The following LGSN variants were observed in gnomAD, a reference collection of about 807,000 sequenced individuals.
LGSN encodes lengsin.
Under a neutral mutation model 19.5 loss-of-function variants are expected in LGSN, and 21 were observed. The ratio of observed to expected loss-of-function variants is 1.07; its 90% CI spans 0.76 to 1.55. LGSN has a LOEUF of 1.55. Among genes scored for constraint, LGSN ranks in the 40% most tolerant of loss-of-function variants. The probability of loss-of-function intolerance (pLI) is 0.00; values close to 1 mark genes in which losing one functional copy is unlikely to be tolerated. For missense variants in LGSN, 673 were observed against 608.5 expected (o/e 1.11, Z -1.12); for synonymous variants, 257 against 215.6 (o/e 1.19, Z -1.68).
chr6:63,510,982 G>T, the LGSN span, among the ~76,000 whole-genome samples: 1 of 151,426 alleles, frequency 6.6e-6, no homozygotes, highest in African/African-American at 2.4e-5. Context: ...GTCAAGATGC[G>T]AATTATTTAG....
At chr6:63,448,877 T>C in the LGSN span, among the ~76,000 whole-genome samples, 1 of 152,176 alleles carries the variant, frequency 6.6e-6, no homozygotes, top group African/African-American at 2.4e-5. Flanking sequence ...TAAAAGTGTG[T>C]TTAACAAGAT....
In LGSN at chr6:63,279,880, C is replaced by T; in HGVS notation, c.*141G>A. 3 of 767,248 alleles carry T rather than the reference C, an allele frequency of 3.9e-6. No homozygotes were observed. Among genetic ancestry groups the T allele is most frequent in the African/African-American group, 1.8e-5 (1 of 57,040 alleles). 47.5% of individuals were successfully genotyped at this position (767,248 alleles called of 1,614,324 possible). ...GTCCTACTTCATCTGTCAAATATTC[C>T]ATGGACAAAAAAAAAAGTCAAAAGC... On this transcript the variant is annotated 3_prime_UTR_variant, in exon 4 of 4. Transcript: ENST00000370657.
chr6:63,330,826 C>T, the LGSN span, among the ~76,000 whole-genome samples: 1 of 152,212 alleles, frequency 6.6e-6, no homozygotes, highest in Non-Finnish European at 1.5e-5. Flanking sequence ...AACTCTCGGG[C>T]TGCAGCTAAA....
the LGSN span, among the ~76,000 whole-genome samples, chr6:63,563,411 C>T: frequency 2.0e-5 from 3 of 152,092 alleles, no homozygotes; most frequent in African/African-American, 7.2e-5. Context: ...GTCATTTCCT[C>T]CACCAAAAAT....
the LGSN span, among the ~76,000 whole-genome samples, chr6:63,477,850 T>C: frequency 2.6e-5 from 4 of 151,754 alleles, no homozygotes; most frequent in African/African-American, 9.7e-5. Context: ...CTTCATCCCT[T>C]TTTGTTTGCA....
chr6:63,568,717 T>C, the LGSN span, among the ~76,000 whole-genome samples: 1 of 151,912 alleles, frequency 6.6e-6, no homozygotes, highest in South Asian at 2.1e-4. Flanking sequence ...GTATACTACA[T>C]ATTTATTTTT....
the LGSN span, among the ~76,000 whole-genome samples, chr6:63,459,373 A>G: frequency 6.6e-4 from 101 of 152,308 alleles, no homozygotes; most frequent in Non-Finnish European, 1.2e-3. Flanking sequence ...CTACTGAAGT[A>G]TATTATAAAT....
chr6:63,534,478 C>T, the LGSN span, among the ~76,000 whole-genome samples: 4 of 151,354 alleles, frequency 2.6e-5, no homozygotes, highest in Admixed American at 6.6e-5. Context: ...CACACACACA[C>T]ACACACACCT....
chr6:63,336,194 TAAC>T, the LGSN span, among the ~76,000 whole-genome samples: 2 of 152,162 alleles, frequency 1.3e-5, no homozygotes, highest in Non-Finnish European at 2.9e-5. Context: ...TTTTAAAAGT[TAAC>T]AACAATGTTT....
At chr6:63,359,180 A>G in the LGSN span, among the ~76,000 whole-genome samples, 2 of 152,164 alleles carry the variant, frequency 1.3e-5, no homozygotes, top group African/African-American at 2.4e-5. Flanking sequence ...CCAGGGATGA[A>G]GCCCACTTGA....
the LGSN span, among the ~76,000 whole-genome samples, chr6:63,426,155 A>G: frequency 6.6e-6 from 1 of 152,224 alleles, no homozygotes; most frequent in African/African-American, 2.4e-5. Flanking sequence ...GTGATAGCAC[A>G]CATTTTTCCA....
intron 1 of LGSN, among the ~76,000 whole-genome samples, chr6:63,301,994 A>G (rs113529467): frequency 0.031 from 4,793 of 152,270 alleles, 104 homozygotes; most frequent in Non-Finnish European, 0.049. Flanking sequence ...TTCAAATTCT[A>G]AAATTAACTC....
At chr6:63,341,053 A>G in the LGSN span, among the ~76,000 whole-genome samples, 1 of 152,212 alleles carries the variant, frequency 6.6e-6, no homozygotes, top group Non-Finnish European at 1.5e-5. Context: ...ACTGTAGTCA[A>G]CATCAGCAGT....
the LGSN span, among the ~76,000 whole-genome samples, chr6:63,516,744 G>A: frequency 1.5e-4 from 23 of 152,266 alleles, no homozygotes; most frequent in East Asian, 4.0e-3. Flanking sequence ...TGTGGCAATG[G>A]CATGTGCTAC....
chr6:63,480,288 C>G, the LGSN span: 1 of 215,922 alleles, frequency 4.6e-6, no homozygotes. Context: ...TTGTGTCATG[C>G]TCTACATTGG....
At chr6:63,414,701 G>A in the LGSN span, among the ~76,000 whole-genome samples, 2 of 152,230 alleles carry the variant, frequency 1.3e-5, no homozygotes, top group Admixed American at 6.5e-5. Flanking sequence ...GTTCACTTGA[G>A]CTCAGGAATT....
intron 2 of LGSN, among the ~76,000 whole-genome samples, chr6:63,289,709 T>C (rs1767691704): frequency 6.6e-6 from 1 of 152,062 alleles, no homozygotes; most frequent in South Asian, 2.1e-4. Flanking sequence ...TGAGGACATA[T>C]ATCAGTTATA....
chr6:63,461,962 AT>A, the LGSN span, among the ~76,000 whole-genome samples: 10 of 151,826 alleles, frequency 6.6e-5, no homozygotes, highest in African/African-American at 2.4e-4. Flanking sequence ...CCTGAGCTTC[AT>A]TTTTTTTCTC....
chr6:63,509,553 G>A, the LGSN span, among the ~76,000 whole-genome samples: 8 of 151,882 alleles, frequency 5.3e-5, no homozygotes, highest in Admixed American at 4.6e-4. Context: ...TTTAGTTTTT[G>A]TATTATTTTA....
Sources: allele counts gnomAD v4.1 joint callset (sites outside exome capture counted in the v4.1 genomes callset), GRCh38; gene constraint gnomAD v4.1.1; transcripts MANE v1.5; gene names NCBI Gene and HGNC (gene_info 2026-07-23, HGNC 2026-07-21).